The following BCO1 variants were observed in gnomAD, a reference collection of about 807,000 sequenced individuals.
The protein encoded by BCO1 is beta,beta-carotene 15,15'-dioxygenase.
In BCO1, 54 loss-of-function variants were observed where a neutral mutation model predicts 56.3. That is an observed-to-expected ratio of 0.96 (90% CI 0.77 to 1.20). The LOEUF is 1.20. Ranked by LOEUF, BCO1 falls within the 50% of genes most tolerant of loss-of-function variation. The pLI is 0.00. For synonymous variants in BCO1, 318 were observed against 266.1 expected, an observed-to-expected ratio of 1.20 and a Z score of -1.90; for missense variants, 801 against 690.9, an observed-to-expected ratio of 1.16 and a Z score of -1.79.
At position 81,279,930 on chromosome 16, in the gene BCO1, A is replaced by G. The variant is rs148851608; in HGVS notation, c.1102-927A>G. Among the ~76,000 whole-genome samples, 971 of 152,320 alleles carry G rather than the reference A, an allele frequency of 6.4e-3. 9 individuals are homozygous for G. Among genetic ancestry groups the G allele is most frequent in the South Asian group, 0.023 (113 of 4,832 alleles). ...GAGAGGCATACAAAAAAGAAATTAA[A>G]GTCCCCCCAATCCCATCATCTGTTG... On this transcript the variant is annotated intron_variant, in intron 7 of 10. Coordinates refer to ENST00000258168, the MANE Select transcript of BCO1 (RefSeq NM_017429.3).
Position 81,280,876 on chromosome 16 carries a change from A to C in BCO1, c.1121A>C (p.Asn374Thr). The change falls in exon 8 of 11, where the codon AAT (asparagine) becomes ACT (threonine). Residue 374 changes from asparagine to threonine, a missense_variant. Coordinates refer to ENST00000258168, the MANE Select transcript of BCO1 (RefSeq NM_017429.3). Reference protein sequence around the residue: ...HVDKNAEVGTNLIKVASTTAT... With the variant: ...HVDKNAEVGTTLIKVASTTAT... The stretch of plus-strand genomic sequence containing the variant: ...TTTCAGAATGCAGAAGTGGGCACAA[A>C]TTTAATCAAAGTGGCATCTACAACA... The C allele has an allele frequency of 1.9e-6, 3 of 1,613,974 alleles. No individual in the cohort carries two copies. The highest frequency in any genetic ancestry group is 2.5e-6 in the Non-Finnish European group (3 of 1,179,852).
intron 7 of BCO1, among the ~76,000 whole-genome samples, chr16:81,280,379 G>T (rs909108797): frequency 1.6e-4 from 23 of 145,810 alleles, no homozygotes; most frequent in Non-Finnish European, 2.8e-4. Flanking sequence ...TCTCTTCTCC[G>T]TGTAACTTTT....
intron 5 of BCO1, 114 bp downstream of exon 5, chr16:81,264,901 T>G: frequency 8.3e-7 from 1 of 1,204,586 alleles, no homozygotes; most frequent in Non-Finnish European, 1.2e-6. Context: ...CTCCCGTAGA[T>G]TATTGAGGTG....
chr16:81,259,755 T>G lies in BCO1; in HGVS notation c.273T>G (p.Ser91=). 6.2e-7 allele frequency: 1 copy of G among 1,614,264 alleles called. No individual in the cohort carries two copies. The highest frequency in any genetic ancestry group is 1.1e-5 in the South Asian group (1 of 91,090). ...TNIEANRIVV[S]EFGTMAYPDP... Reference sequence around the variant, plus strand: ...TTGAGGCAAACAGGATTGTGGTGTCTGAGTTTGGAACAATGGCCTATCCGG... The same window carrying G: ...TTGAGGCAAACAGGATTGTGGTGTCGGAGTTTGGAACAATGGCCTATCCGG... Residue 91 remains serine (S), a synonymous_variant, in exon 3 of 11, where the codon TCT becomes TCG. Coordinates refer to ENST00000258168, the MANE Select transcript of BCO1 (RefSeq NM_017429.3).
intron 4 of BCO1, chr16:81,263,098 A>C (rs944950251): frequency 2.7e-5 from 4 of 148,664 alleles, no homozygotes; most frequent in Admixed American, 2.7e-4. Context: ...TATGTGTCCA[A>C]ATGTTCTGCC....
At chr16:81,257,173 C>T (rs1906191601) in intron 2 of BCO1, among the ~76,000 whole-genome samples, 1 of 152,190 alleles carries the variant, frequency 6.6e-6, no homozygotes, top group African/African-American at 2.4e-5. Flanking sequence ...CCTGAAGCTT[C>T]TCCTGACTTA....
intron 1 of BCO1, among the ~76,000 whole-genome samples, chr16:81,244,344 T>G (rs1905272640): frequency 1.3e-5 from 2 of 152,068 alleles, no homozygotes; most frequent in Non-Finnish European, 2.9e-5. Flanking sequence ...GTGAAATTAT[T>G]TCAGTGGTAT....
At chr16:81,268,224 G>A in intron 6 of BCO1, 93 bp downstream of exon 6, 3 of 1,064,166 alleles carry the variant, frequency 2.8e-6, no homozygotes, top group Non-Finnish European at 4.0e-6. Flanking sequence ...CAAGGAAGTG[G>A]CATGGAAGAG....
chr16:81,239,339 A>C (rs547334545), intron 1 of BCO1, among the ~76,000 whole-genome samples: 9 of 152,134 alleles, frequency 5.9e-5, no homozygotes, highest in Non-Finnish European at 1.3e-4. Flanking sequence ...TTAGATGGAC[A>C]CTATTTTTTC....
intron 4 of BCO1, chr16:81,262,579 G>C (rs1331731796): frequency 2.6e-6 from 1 of 380,604 alleles, no homozygotes; most frequent in Non-Finnish European, 5.1e-6. Flanking sequence ...TGTAATTCCA[G>C]CACTTTGGGA....
At chr16:81,259,224 T>C (rs952499580) in intron 2 of BCO1, among the ~76,000 whole-genome samples, 4 of 152,194 alleles carry the variant, frequency 2.6e-5, no homozygotes, top group African/African-American at 9.7e-5. Context: ...CCGGGCATGG[T>C]GGCTCACGCT....
At chr16:81,251,342 T>G (rs1422683794) in intron 2 of BCO1, among the ~76,000 whole-genome samples, 1 of 152,022 alleles carries the variant, frequency 6.6e-6, no homozygotes, top group Non-Finnish European at 1.5e-5. Flanking sequence ...GAGGATCCCT[T>G]GAGCCCAGGA....
At chr16:81,240,708 T>C (rs1905070025) in intron 1 of BCO1, among the ~76,000 whole-genome samples, 1 of 151,432 alleles carries the variant, frequency 6.6e-6, no homozygotes, top group African/African-American at 2.4e-5. Context: ...GTCTCAAAAA[T>C]AAATAAATAA....
chr16:81,282,229 A>G (rs992343855), intron 8 of BCO1, among the ~76,000 whole-genome samples: 3 of 152,128 alleles, frequency 2.0e-5, no homozygotes, highest in Admixed American at 6.5e-5. Context: ...AAATACAAAA[A>G]TTAGCCGGCA....
chr16:81,282,413 A>C (rs775976158), intron 8 of BCO1, among the ~76,000 whole-genome samples: 2 of 151,744 alleles, frequency 1.3e-5, no homozygotes, highest in Non-Finnish European at 2.9e-5. Context: ...AAAACAAAAA[A>C]CCCTGAGAGC....
At chr16:81,289,447 G>C (rs1908346389) in intron 10 of BCO1, among the ~76,000 whole-genome samples, 1 of 152,088 alleles carries the variant, frequency 6.6e-6, no homozygotes, top group Admixed American at 6.6e-5. Flanking sequence ...TCCAAGACCA[G>C]CATGGGCGAT....
chr16:81,260,586 G>A (rs1255950976), intron 3 of BCO1, among the ~76,000 whole-genome samples: 2 of 151,934 alleles, frequency 1.3e-5, no homozygotes, highest in Admixed American at 6.6e-5. Flanking sequence ...TCAGTTCACC[G>A]CAACCTCTGC....
Position 81,259,526 on chromosome 16 carries a change from T to G in BCO1, c.194-150T>G, listed in dbSNP as rs529876521. The G allele has an allele frequency of 5.3e-5, 30 of 562,230 alleles. No homozygotes were observed. The African/African-American group carries it at 5.9e-4, about 11-fold the overall frequency. 34.8% of individuals were successfully genotyped at this position (562,230 alleles called of 1,614,324 possible). Reference sequence around the variant, plus strand: ...ATAATAAATAAAATTATATTTAAAATGCGAATTGTATCGGCCCTGTGTACT... The same window carrying G: ...ATAATAAATAAAATTATATTTAAAAGGCGAATTGTATCGGCCCTGTGTACT... On this transcript the variant is annotated intron_variant, in intron 2 of 10. Transcript: ENST00000258168.
At chr16:81,249,112 A>ATGGAGTCTCCCTCCGTTACCCAGGT (rs1905621540) in intron 2 of BCO1, among the ~76,000 whole-genome samples, 1 of 100,216 alleles carries the variant, frequency 1.0e-5, no homozygotes, top group African/African-American at 3.7e-5. Flanking sequence ...TTTTTTTGAG[A>ATGGAGTCTCCCTCCGTTACCCAGGT]TGGAGTCTCA....
Sources: allele counts gnomAD v4.1 joint callset (sites outside exome capture counted in the v4.1 genomes callset), GRCh38; gene constraint gnomAD v4.1.1; transcripts MANE v1.5; gene names NCBI Gene and HGNC (gene_info 2026-07-23, HGNC 2026-07-21).